The following PABPC4L variants were observed in gnomAD, a reference collection of about 807,000 sequenced individuals.
PABPC4L encodes the protein poly(A) binding protein cytoplasmic 4 like.
For missense variants in PABPC4L, 452 were observed against 451.4 expected, an observed-to-expected ratio of 1.00 and a Z score of -0.01; for synonymous variants, 169 against 164.1, an observed-to-expected ratio of 1.03 and a Z score of -0.23.
chr4:134,062,293 C>T, the PABPC4L span, among the ~76,000 whole-genome samples: 69 of 152,002 alleles, frequency 4.5e-4, no homozygotes, highest in South Asian at 4.1e-4. Context: ...GATGATTTTT[C>T]ATGAGACTCG....
the PABPC4L span, among the ~76,000 whole-genome samples, chr4:134,181,697 A>G: frequency 6.6e-6 from 1 of 152,100 alleles, no homozygotes; most frequent in Non-Finnish European, 1.5e-5. Flanking sequence ...ATCAATATAT[A>G]AAAATCAGTA....
chr4:133,958,126 C>T, the PABPC4L span, among the ~76,000 whole-genome samples: 1 of 152,178 alleles, frequency 6.6e-6, no homozygotes, highest in Admixed American at 6.5e-5. Context: ...ATTGCATCAA[C>T]AGGCTGCAGA....
At chr4:134,094,205 T>C in the PABPC4L span, among the ~76,000 whole-genome samples, 1 of 151,942 alleles carries the variant, frequency 6.6e-6, no homozygotes, top group South Asian at 2.1e-4. Context: ...ATTGTTTCTC[T>C]ATTTTTTCAT....
the PABPC4L span, among the ~76,000 whole-genome samples, chr4:134,121,591 T>A: frequency 1.3e-5 from 2 of 151,774 alleles, no homozygotes; most frequent in Non-Finnish European, 3.0e-5. Flanking sequence ...ATACCTGAGA[T>A]GTTTTCACTA....
the PABPC4L span, among the ~76,000 whole-genome samples, chr4:134,021,331 G>T: frequency 2.8e-3 from 427 of 152,200 alleles, 4 homozygotes; most frequent in African/African-American, 9.7e-3. Context: ...GTAGAAGGTG[G>T]CACAGATTGT....
the PABPC4L span, among the ~76,000 whole-genome samples, chr4:134,021,770 T>C: frequency 5.3e-4 from 80 of 152,274 alleles, 1 homozygote; most frequent in African/African-American, 1.6e-3. Flanking sequence ...TTTTGAATGG[T>C]CCATTTAGAT....
At chr4:133,971,261 G>A in the PABPC4L span, among the ~76,000 whole-genome samples, 2 of 151,684 alleles carry the variant, frequency 1.3e-5, no homozygotes, top group Non-Finnish European at 2.9e-5. Context: ...ACAGGGGCCC[G>A]CCACCACGCC....
the PABPC4L span, among the ~76,000 whole-genome samples, chr4:134,002,967 A>G: frequency 6.6e-6 from 1 of 151,884 alleles, no homozygotes; most frequent in Non-Finnish European, 1.5e-5. Context: ...CAAAACTAGG[A>G]AAAAAGACTA....
the PABPC4L span, among the ~76,000 whole-genome samples, chr4:133,949,740 C>T: frequency 6.6e-6 from 1 of 152,060 alleles, no homozygotes; most frequent in Admixed American, 6.6e-5. Context: ...CACCAAGTTG[C>T]CAGGCTGGAA....
At chr4:134,040,331 A>G in the PABPC4L span, among the ~76,000 whole-genome samples, 3 of 152,122 alleles carry the variant, frequency 2.0e-5, no homozygotes, top group Non-Finnish European at 4.4e-5. Flanking sequence ...AAACTATACT[A>G]CAAGCCTACA....
At chr4:134,018,497 G>A in the PABPC4L span, among the ~76,000 whole-genome samples, 11 of 152,184 alleles carry the variant, frequency 7.2e-5, no homozygotes, top group African/African-American at 2.6e-4. Context: ...CTTTTTCAAT[G>A]CTCACCCTCT....
the PABPC4L span, among the ~76,000 whole-genome samples, chr4:133,961,346 AG>A: frequency 6.6e-6 from 1 of 151,278 alleles, no homozygotes; most frequent in African/African-American, 2.5e-5. Context: ...AGTGAGAGAC[AG>A]GACTAGCTGG....
At chr4:133,978,227 C>G in the PABPC4L span, among the ~76,000 whole-genome samples, 1 of 152,158 alleles carries the variant, frequency 6.6e-6, no homozygotes. Flanking sequence ...GCTGAGGGCT[C>G]TGTTGCTCCA....
At chr4:134,072,174 C>A in the PABPC4L span, among the ~76,000 whole-genome samples, 1 of 152,136 alleles carries the variant, frequency 6.6e-6, no homozygotes, top group Non-Finnish European at 1.5e-5. Flanking sequence ...CCTTCAGCTT[C>A]CTTTTTCTCC....
the PABPC4L span, among the ~76,000 whole-genome samples, chr4:133,974,418 G>A: frequency 6.6e-6 from 1 of 151,916 alleles, no homozygotes; most frequent in African/African-American, 2.4e-5. Context: ...GAAATCCTTA[G>A]AAGAAAACAT....
the PABPC4L span, among the ~76,000 whole-genome samples, chr4:134,002,458 T>C: frequency 6.6e-6 from 1 of 151,970 alleles, no homozygotes; most frequent in East Asian, 1.9e-4. Context: ...TTAAAAGGGA[T>C]ATACATAAAT....
the PABPC4L span, among the ~76,000 whole-genome samples, chr4:133,976,210 G>A: frequency 1.3e-5 from 2 of 152,046 alleles, no homozygotes; most frequent in South Asian, 2.1e-4. Flanking sequence ...TGTGGTGTTC[G>A]GTTTTCTGTT....
chr4:134,137,769 T>A, the PABPC4L span, among the ~76,000 whole-genome samples: 2 of 151,894 alleles, frequency 1.3e-5, no homozygotes, highest in African/African-American at 4.8e-5. Flanking sequence ...AATGGACTAT[T>A]ATGCAAACCT....
the PABPC4L span, among the ~76,000 whole-genome samples, chr4:134,096,607 T>A: frequency 6.6e-6 from 1 of 151,916 alleles, no homozygotes; most frequent in South Asian, 2.1e-4. Flanking sequence ...ATGTCTACTA[T>A]CTTCTAAAAT....
Sources: allele counts gnomAD v4.1 joint callset (sites outside exome capture counted in the v4.1 genomes callset), GRCh38; gene constraint gnomAD v4.1.1; transcripts MANE v1.5; gene names NCBI Gene and HGNC (gene_info 2026-07-23, HGNC 2026-07-21).